Variants in SOAT1 observed in about 807,000 individuals in gnomAD.
The protein encoded by SOAT1 is sterol O-acyltransferase 1.
A neutral mutation model predicts 69.5 loss-of-function variants in SOAT1; 55 were observed. The observed-to-expected ratio is 0.79, with a 90% CI of 0.64 to 0.99. SOAT1 has a LOEUF of 0.99. Among genes scored for constraint, SOAT1 ranks in the 50% least tolerant of loss-of-function variants. The pLI is 0.00. For synonymous variants in SOAT1, 231 were observed against 224.7 expected, an observed-to-expected ratio of 1.03 and a Z score of -0.25; for missense variants, 580 against 669.3, an observed-to-expected ratio of 0.87 and a Z score of 1.47.
intron 1 of SOAT1, among the ~76,000 whole-genome samples, chr1:179,299,453 T>C (rs566313065): frequency 6.6e-6 from 1 of 152,278 alleles, no homozygotes; most frequent in Non-Finnish European, 1.5e-5. Context: ...TGTGATTCTT[T>C]GAAGGCTTGA....
At chr1:179,311,715 A>G (rs367666440) in intron 2 of SOAT1, among the ~76,000 whole-genome samples, 16 of 152,348 alleles carry the variant, frequency 1.1e-4, no homozygotes, top group African/African-American at 3.8e-4. Flanking sequence ...ATGTTCAATT[A>G]CTTATTTTTA....
rs562414820 is a variant in SOAT1, at chr1:179,299,287, A to G, written c.-8-3390A>G. On this transcript the variant is annotated intron_variant, in intron 1 of 15. Coordinates refer to ENST00000367619, the MANE Select transcript of SOAT1 (RefSeq NM_003101.6). ...TATTTGATTTGGGACAAGTTAAATCACTTCCCTAAACTCATCTGTAAAATG... is the reference window on the plus strand; with the variant it reads ...TATTTGATTTGGGACAAGTTAAATCGCTTCCCTAAACTCATCTGTAAAATG... Among the ~76,000 whole-genome samples the G allele has an allele frequency of 9.2e-5, 14 of 152,344 alleles. No individual in the cohort carries two copies. In the East Asian group the frequency reaches 1.7e-3, roughly 19 times the overall value.
At chr1:179,338,098 G>C (rs921374891) in intron 5 of SOAT1, among the ~76,000 whole-genome samples, 2 of 152,044 alleles carry the variant, frequency 1.3e-5, no homozygotes, top group African/African-American at 4.8e-5. Context: ...GGATAAGAAT[G>C]GTTATCTGGG....
In SOAT1 at chr1:179,356,414, A is replaced by G. The variant is rs1666906015; in HGVS notation, c.*2773A>G. 2 of 150,132 alleles carry G rather than the reference A, an allele frequency of 1.3e-5. No individual in the cohort carries two copies. Among genetic ancestry groups the G allele is most frequent in the Non-Finnish European group, 3.0e-5 (2 of 67,778 alleles). 9.3% of individuals were successfully genotyped at this position (150,132 alleles called of 1,614,324 possible). On this transcript the variant is annotated 3_prime_UTR_variant, in exon 16 of 16. Coordinates refer to ENST00000367619, the MANE Select transcript of SOAT1 (RefSeq NM_003101.6). ...GTAGATTCACATACTAAAACTTTGCAGGTAAAGTTGCTTGCCTCATGTTAG... is the reference window on the plus strand; with the variant it reads ...GTAGATTCACATACTAAAACTTTGCGGGTAAAGTTGCTTGCCTCATGTTAG...
At position 179,358,480 on chromosome 1, in the gene SOAT1, A is replaced by G. The variant is rs970551660; in HGVS notation, c.*4839A>G. On this transcript the variant is annotated 3_prime_UTR_variant, in exon 16 of 16. Coordinates refer to ENST00000367619, the MANE Select transcript of SOAT1 (RefSeq NM_003101.6). ...CATGTACCCCATCATTTAGAGATGC[A>G]GTTTGAATTTCCATGGAAAAAGGTG... 1 of 152,128 alleles carries G rather than the reference A, an allele frequency of 6.6e-6. No homozygotes were observed. The highest frequency in any genetic ancestry group is 2.4e-5 in the African/African-American group (1 of 41,428). 9.4% of individuals were successfully genotyped at this position (152,128 alleles called of 1,614,324 possible).
At position 179,326,348 on chromosome 1, in the gene SOAT1, G is replaced by A. The variant is rs574006070; in HGVS notation, c.177+2853G>A. Among the ~76,000 whole-genome samples, 8 of 152,052 alleles carry A rather than the reference G, an allele frequency of 5.3e-5. No individual in the cohort carries two copies. The South Asian group carries it at 1.0e-3, about 20-fold the overall frequency. On this transcript the variant is annotated intron_variant, in intron 3 of 15. Coordinates refer to ENST00000367619, the MANE Select transcript of SOAT1 (RefSeq NM_003101.6). ...ACATTGCAGTTGAAATGATGTCCTC[G>A]CTACTCTATATTCCTAACTACTTAG...
rs563621857 is a variant in SOAT1, at chr1:179,296,476, G to A, written c.-9+2540G>A. The stretch of plus-strand genomic sequence containing the variant: ...CCAGCCAAGTTCTATTTTTCTAAGA[G>A]GATGGCTTTGTTTTGCATTTTTTTT... On this transcript the variant is annotated intron_variant, in intron 1 of 15. Coordinates refer to ENST00000367619, the MANE Select transcript of SOAT1 (RefSeq NM_003101.6). Among the ~76,000 whole-genome samples the A allele has an allele frequency of 2.6e-4, 39 of 152,236 alleles. No homozygotes were observed. The South Asian group carries it at 2.7e-3, about 11-fold the overall frequency.
At chr1:179,341,824 C>T (rs1666350119) in intron 7 of SOAT1, among the ~76,000 whole-genome samples, 1 of 152,160 alleles carries the variant, frequency 6.6e-6, no homozygotes, top group Non-Finnish European at 1.5e-5. Context: ...TAAGCCACCG[C>T]GCCCGGCCAC....
At chr1:179,294,940 GC>G (rs1231380107) in intron 1 of SOAT1, among the ~76,000 whole-genome samples, 1 of 136,556 alleles carries the variant, frequency 7.3e-6, no homozygotes, top group African/African-American at 2.9e-5. Flanking sequence ...TCAATTTGAA[GC>G]TTTTTTTTTT....
intron 3 of SOAT1, among the ~76,000 whole-genome samples, chr1:179,327,713 A>G (rs1665837841): frequency 6.6e-6 from 1 of 152,206 alleles, no homozygotes; most frequent in South Asian, 2.1e-4. Flanking sequence ...ACTCTGTGAA[A>G]AGTTAGATGT....
intron 7 of SOAT1, 128 bp downstream of exon 7, chr1:179,341,438 C>CTTTTGTTT: frequency 1.1e-6 from 1 of 937,794 alleles, no homozygotes; most frequent in Non-Finnish European, 1.6e-6. Flanking sequence ...TGTTCTTTTG[C>CTTTTGTTT]CATTATCTGT....
rs1666116571 is a variant in SOAT1, at chr1:179,335,547, T to C, written c.219T>C (p.Phe73=). 1 of 1,612,476 alleles carries C rather than the reference T, an allele frequency of 6.2e-7. No individual in the cohort carries two copies. The highest frequency in any genetic ancestry group is 1.7e-5 in the Admixed American group (1 of 59,778). The change falls in exon 4 of 16, where the codon TTT becomes TTC. Residue 73 remains phenylalanine (F), a synonymous_variant. Coordinates refer to ENST00000367619, the MANE Select transcript of SOAT1 (RefSeq NM_003101.6). ...PFFMKEVGSH[F]DDFVTNLIEK... is the part of the protein sequence containing the mutation. ...TTATGAAGGAAGTTGGCAGTCACTT[T>C]GATGATTTTGTGACCAATCTCATTG...
chr1:179,336,693 TC>T (rs1433003479), intron 4 of SOAT1, among the ~76,000 whole-genome samples: 1 of 151,948 alleles, frequency 6.6e-6, no homozygotes, highest in African/African-American at 2.4e-5. Context: ...AGCTCTAGAG[TC>T]CTTGCTCTTA....
At chr1:179,321,649 T>A (rs949556933) in intron 2 of SOAT1, among the ~76,000 whole-genome samples, 2 of 152,242 alleles carry the variant, frequency 1.3e-5, no homozygotes, top group Non-Finnish European at 2.9e-5. Flanking sequence ...ACCTCTTCTA[T>A]GTCTTTTAAC....
intron 11 of SOAT1, among the ~76,000 whole-genome samples, chr1:179,346,165 A>C (rs1666527752): frequency 6.6e-6 from 1 of 152,158 alleles, no homozygotes; most frequent in Non-Finnish European, 1.5e-5. Context: ...TATTTGAATG[A>C]ACTCTGTATC....
At chr1:179,312,518 T>C (rs1359567245) in intron 2 of SOAT1, among the ~76,000 whole-genome samples, 1 of 152,198 alleles carries the variant, frequency 6.6e-6, no homozygotes, top group Non-Finnish European at 1.5e-5. Flanking sequence ...CAGAGTTAGA[T>C]TACAAGTTAT....
At chr1:179,301,774 G>A (rs1042822542) in intron 1 of SOAT1, among the ~76,000 whole-genome samples, 12 of 152,090 alleles carry the variant, frequency 7.9e-5, no homozygotes, top group East Asian at 1.9e-4. Flanking sequence ...TGTTTTTGTC[G>A]TAGTTCAATT....
intron 15 of SOAT1, among the ~76,000 whole-genome samples, chr1:179,353,180 C>A (rs1666792391): frequency 5.2e-5 from 1 of 19,102 alleles, no homozygotes; most frequent in Non-Finnish European, 1.3e-4. Context: ...TATTTAGTAC[C>A]TTAAAATCTA....
chr1:179,353,211 A>ATATATATT (rs1553248887), intron 15 of SOAT1, among the ~76,000 whole-genome samples: 1 of 64,522 alleles, frequency 1.5e-5, no homozygotes, highest in Non-Finnish European at 3.2e-5. Flanking sequence ...ATATATAAAT[A>ATATATATT]TATATATATA....
Sources: allele counts gnomAD v4.1 joint callset (sites outside exome capture counted in the v4.1 genomes callset), GRCh38; gene constraint gnomAD v4.1.1; transcripts MANE v1.5; gene names NCBI Gene and HGNC (gene_info 2026-07-23, HGNC 2026-07-21).